The following TSPAN2 variants were observed in gnomAD, a reference collection of about 807,000 sequenced individuals.
The protein encoded by TSPAN2 is tetraspanin-2.
TSPAN2 carries 24 observed loss-of-function variants against 33.3 expected under a neutral mutation model. The observed-to-expected ratio is 0.72, with a 90% CI of 0.52 to 1.01. The LOEUF (loss-of-function observed/expected upper bound fraction) is 1.01, where lower values mean the gene tolerates loss of function less well. TSPAN2 is among the 50% of genes least tolerant of loss of function. The probability of loss-of-function intolerance (pLI) is 0.00; values close to 1 mark genes in which losing one functional copy is unlikely to be tolerated. For synonymous variants in TSPAN2, 114 were observed against 104.5 expected, an observed-to-expected ratio of 1.09 and a Z score of -0.56; for missense variants, 278 against 281.3, an observed-to-expected ratio of 0.99 and a Z score of 0.08.
At chr1:115,054,596 C>T (rs774318898) in intron 6 of TSPAN2, among the ~76,000 whole-genome samples, 1 of 152,200 alleles carries the variant, frequency 6.6e-6, no homozygotes, top group Non-Finnish European at 1.5e-5. Flanking sequence ...CACTTAGATG[C>T]TCCCTTCCTT....
At chr1:115,083,329 C>G (rs1053953769) in intron 1 of TSPAN2, among the ~76,000 whole-genome samples, 1 of 152,308 alleles carries the variant, frequency 6.6e-6, no homozygotes, top group Middle Eastern at 3.4e-3. Flanking sequence ...AGGTGAAATG[C>G]AATGAACAAT....
At chr1:115,088,354 T>C (rs1648924205) in intron 1 of TSPAN2, among the ~76,000 whole-genome samples, 1 of 152,204 alleles carries the variant, frequency 6.6e-6, no homozygotes, top group Admixed American at 6.5e-5. Context: ...ACCCAGGCCC[T>C]GGCTGCTCTC....
chr1:115,067,610 T>C (rs574031575), intron 2 of TSPAN2, among the ~76,000 whole-genome samples: 13 of 152,078 alleles, frequency 8.5e-5, no homozygotes, highest in Admixed American at 7.8e-4. Flanking sequence ...GCCACCCCCT[T>C]GGTGTTCGGC....
In TSPAN2 at chr1:115,089,363, C is replaced by T; in HGVS notation, c.69+1G>A. On this transcript the variant is annotated splice_donor_variant, in intron 1 of 7. Coordinates refer to ENST00000369516, the MANE Select transcript of TSPAN2 (RefSeq NM_005725.6). LOFTEE classifies it high-confidence loss of function. ...CCGGCCCTCCCGGCTCCTGGTCTCA[C>T]CCAGAAGAGCAGGTTGAAGCCAAGC... is the stretch of plus-strand genomic sequence containing the variant. 1.9e-6 allele frequency: 3 copies of T among 1,585,016 alleles called. No individual in the cohort carries two copies. The highest frequency in any genetic ancestry group is 2.6e-6 in the Non-Finnish European group (3 of 1,166,908).
chr1:115,061,554 A>C (rs4839406), intron 3 of TSPAN2, among the ~76,000 whole-genome samples: 45,002 of 152,124 alleles, frequency 0.3, 6,861 homozygotes, highest in East Asian at 0.46. Flanking sequence ...TTTTTAAAGA[A>C]CAATCATAGT....
chr1:115,069,387 C>T (rs897048867), intron 2 of TSPAN2, among the ~76,000 whole-genome samples: 6 of 152,330 alleles, frequency 3.9e-5, no homozygotes, highest in South Asian at 2.1e-4. Context: ...ATGACAAGTT[C>T]GAGGATGGGC....
At chr1:115,087,633 A>G (rs895885443) in intron 1 of TSPAN2, among the ~76,000 whole-genome samples, 1 of 151,362 alleles carries the variant, frequency 6.6e-6, no homozygotes, top group Non-Finnish European at 1.5e-5. Context: ...AAAAAAAAAA[A>G]AGAGAAGGTA....
chr1:115,050,577 T>C, intron 7 of TSPAN2, 22 bp from the exon 8 acceptor site: 1 of 1,612,332 alleles, frequency 6.2e-7, no homozygotes, highest in South Asian at 1.1e-5. Context: ...GAAACACTCA[T>C]CAGTGACTTT....
chr1:115,071,996 G>GA (rs894683092), intron 2 of TSPAN2, among the ~76,000 whole-genome samples: 5 of 152,158 alleles, frequency 3.3e-5, no homozygotes, highest in African/African-American at 1.2e-4. Flanking sequence ...CACAGCAACT[G>GA]AAGCTTACTC....
At chr1:115,055,681 G>A (rs953920135) in intron 6 of TSPAN2, among the ~76,000 whole-genome samples, 1 of 151,982 alleles carries the variant, frequency 6.6e-6, no homozygotes, top group Non-Finnish European at 1.5e-5. Context: ...ATGCCACCAC[G>A]CCTGGCTAAT....
intron 4 of TSPAN2, among the ~76,000 whole-genome samples, chr1:115,059,888 T>C (rs1001495114): frequency 1.3e-5 from 2 of 152,184 alleles, no homozygotes; most frequent in African/African-American, 4.8e-5. Context: ...CAAACTTAAG[T>C]TTCCATTCTT....
At chr1:115,051,976 C>T (rs1167686813) in intron 7 of TSPAN2, among the ~76,000 whole-genome samples, 1 of 152,194 alleles carries the variant, frequency 6.6e-6, no homozygotes, top group Non-Finnish European at 1.5e-5. Context: ...TAATCCCTAC[C>T]CATCCTGGTT....
chr1:115,071,275 G>A (rs1002456384), intron 2 of TSPAN2, among the ~76,000 whole-genome samples: 14 of 152,152 alleles, frequency 9.2e-5, no homozygotes, highest in Non-Finnish European at 1.5e-4. Flanking sequence ...AAGCTGCAAG[G>A]GGAAATGTGT....
chr1:115,073,789 T>G (rs1264908009), intron 1 of TSPAN2, among the ~76,000 whole-genome samples: 1 of 152,074 alleles, frequency 6.6e-6, no homozygotes, highest in Non-Finnish European at 1.5e-5. Context: ...CTAGGCAGGC[T>G]GGCGGCTGGT....
intron 7 of TSPAN2, among the ~76,000 whole-genome samples, chr1:115,050,955 C>T (rs1170804342): frequency 6.6e-6 from 1 of 152,060 alleles, no homozygotes; most frequent in Non-Finnish European, 1.5e-5. Context: ...TGCTTGTGGT[C>T]TAAATAATTT....
At chr1:115,062,111 C>CCA in intron 3 of TSPAN2, 24 bp downstream of exon 3, 2 of 1,533,934 alleles carry the variant, frequency 1.3e-6, no homozygotes, top group Non-Finnish European at 1.8e-6. Flanking sequence ...CCCACCCCAC[C>CCA]ATTTACCCCC....
In TSPAN2 at chr1:115,089,459, G is replaced by T; in HGVS notation, c.-27C>A. On this transcript the variant is annotated 5_prime_UTR_variant, in exon 1 of 8. It adds an upstream start codon to the 5' untranslated region. Coordinates refer to ENST00000369516, the MANE Select transcript of TSPAN2 (RefSeq NM_005725.6). ...CTGCGGCCCGGCGGCGGGATCCCCA[G>T]TCCCCAGGCCCGCGCTACGAGCGCG... The T allele has an allele frequency of 6.5e-7, 1 of 1,532,936 alleles. No homozygotes were observed. The highest frequency in any genetic ancestry group is 8.8e-7 in the Non-Finnish European group (1 of 1,140,614). The allele number at this position is 1,532,936 out of a possible 1,614,324, so 95.0% of individuals were successfully genotyped here.
chr1:115,055,787 G>C (rs1262332415), intron 6 of TSPAN2, among the ~76,000 whole-genome samples: 1 of 152,130 alleles, frequency 6.6e-6, no homozygotes, highest in Non-Finnish European at 1.5e-5. Context: ...CTCCCTAAGT[G>C]CTAGGATTAC....
intron 2 of TSPAN2, among the ~76,000 whole-genome samples, chr1:115,071,917 T>G (rs1648191291): frequency 6.6e-6 from 1 of 152,152 alleles, no homozygotes; most frequent in Admixed American, 6.5e-5. Flanking sequence ...TGGAAGAGAC[T>G]CTACTCTTCT....
Sources: allele counts gnomAD v4.1 joint callset (sites outside exome capture counted in the v4.1 genomes callset), GRCh38; gene constraint gnomAD v4.1.1; transcripts MANE v1.5; gene names NCBI Gene and HGNC (gene_info 2026-07-23, HGNC 2026-07-21).